Variants in PRKN observed in about 807,000 individuals in gnomAD.
PRKN encodes the protein parkin RBR E3 ubiquitin protein ligase.
Under a neutral mutation model 59.5 loss-of-function variants are expected in PRKN, and 56 were observed. The ratio of observed to expected loss-of-function variants is 0.94; its 90% CI spans 0.76 to 1.18. PRKN has a LOEUF of 1.18. Ranked by LOEUF, PRKN falls within the 50% of genes most tolerant of loss-of-function variation. The probability of loss-of-function intolerance (pLI) is 0.00; values close to 1 mark genes in which losing one functional copy is unlikely to be tolerated. For missense variants in PRKN, 657 were observed against 596.4 expected (o/e 1.10, Z -1.06); for synonymous variants, 250 against 222.1 (o/e 1.13, Z -1.12).
At chr6:162,127,748 T>A (rs1396823479) in intron 4 of PRKN, among the ~76,000 whole-genome samples, 1 of 152,220 alleles carries the variant, frequency 6.6e-6, no homozygotes, top group East Asian at 1.9e-4. Context: ...AAAAGGCAAA[T>A]TAAAAGAATC....
At position 162,235,946 on chromosome 6, in the gene PRKN, G is replaced by GAAGA. The variant is rs1333274098; in HGVS notation, c.412+26578_412+26579insTCTT. On this transcript the variant is annotated intron_variant, in intron 3 of 11. Transcript: ENST00000366898. ...GGAAGGAAGGAAGGAAGGAAGGAAG[G>GAAGA]AAGGAAGAAAGGAAGAAAGAAAGAA... 8.3e-3 allele frequency among the ~76,000 whole-genome samples: 656 copies of GAAGA among 79,414 alleles called. 1 individual carries two copies. Among genetic ancestry groups the GAAGA allele is most frequent in the Non-Finnish European group, 0.01 (431 of 42,024 alleles). 52.1% of individuals were successfully genotyped at this position (79,414 alleles called of 152,430 possible). A position where few individuals can be genotyped will look rare whatever the true frequency, so the allele number is the denominator to read the frequency against.
chr6:162,062,723 T>C (rs1419413653), intron 4 of PRKN, among the ~76,000 whole-genome samples: 2 of 152,148 alleles, frequency 1.3e-5, no homozygotes, highest in Non-Finnish European at 2.9e-5. Flanking sequence ...TACATTTCTA[T>C]TGTTTACGCT....
chr6:161,977,071 C>T (rs911242850), intron 5 of PRKN, among the ~76,000 whole-genome samples: 2 of 152,204 alleles, frequency 1.3e-5, no homozygotes, highest in Non-Finnish European at 2.9e-5. Context: ...CAGTAAATTT[C>T]AGTGCTTTCT....
intron 2 of PRKN, among the ~76,000 whole-genome samples, chr6:162,323,651 T>C (rs1175795338): frequency 3.3e-5 from 5 of 152,052 alleles, no homozygotes; most frequent in Non-Finnish European, 1.5e-5. Context: ...CATGAAAAGA[T>C]GTGCAACATT....
intron 6 of PRKN, among the ~76,000 whole-genome samples, chr6:161,803,582 C>T (rs1200221717): frequency 6.6e-6 from 1 of 152,206 alleles, no homozygotes; most frequent in Non-Finnish European, 1.5e-5. Context: ...AAGCTCAGCC[C>T]AGCCCCAGCT....
intron 4 of PRKN, among the ~76,000 whole-genome samples, chr6:162,197,207 T>C (rs1488794566): frequency 6.6e-6 from 1 of 152,204 alleles, no homozygotes; most frequent in Non-Finnish European, 1.5e-5. Context: ...CAGCAATCTT[T>C]ACACTTGGCA....
At chr6:162,091,740 AG>A (rs1411764915) in intron 4 of PRKN, among the ~76,000 whole-genome samples, 79 of 152,322 alleles carry the variant, frequency 5.2e-4, no homozygotes, top group African/African-American at 1.8e-3. Flanking sequence ...TTTTATCAGT[AG>A]AAAGAAAAAG....
chr6:161,581,223 A>AG lies in PRKN; in HGVS notation c.872-11808dup, dbSNP rs1189281016. Among the ~76,000 whole-genome samples, 1 of 151,878 alleles carries AG rather than the reference A, an allele frequency of 6.6e-6. No individual in the cohort carries two copies. The highest frequency in any genetic ancestry group is 1.9e-4 in the East Asian group (1 of 5,178). ...GACTCTGTCTCAAAAAAAAAAAAAA[A>AG]GTTTCTCTATGTATCAATTTTTATT... On this transcript the variant is annotated intron_variant, in intron 7 of 11. Coordinates refer to ENST00000366898, the MANE Select transcript of PRKN (RefSeq NM_004562.3). The surrounding 1 kb of genome is among the most constrained non-coding windows in gnomAD (Gnocchi z 4.5).
At chr6:162,540,693 G>A (rs2128199773) in intron 1 of PRKN, among the ~76,000 whole-genome samples, 1 of 151,586 alleles carries the variant, frequency 6.6e-6, no homozygotes, top group Admixed American at 6.6e-5. Context: ...TGTAATCCCA[G>A]CTACTCTGGA....
chr6:162,507,617 A>G (rs1793664664), intron 1 of PRKN, among the ~76,000 whole-genome samples: 1 of 152,204 alleles, frequency 6.6e-6, no homozygotes, highest in Admixed American at 6.5e-5. Flanking sequence ...TAGGTAAATT[A>G]ACTGATAGGA....
At chr6:162,105,780 T>C (rs145610871) in intron 4 of PRKN, among the ~76,000 whole-genome samples, 1,592 of 152,282 alleles carry the variant, frequency 0.01, 22 homozygotes, top group African/African-American at 0.03. Context: ...CTGAGAACAA[T>C]AGAGCAGTAA....
intron 9 of PRKN, among the ~76,000 whole-genome samples, chr6:161,420,500 A>G (rs2115026717): frequency 6.6e-6 from 1 of 151,556 alleles, no homozygotes; most frequent in East Asian, 1.9e-4. Flanking sequence ...AGTTTCCTTT[A>G]TTTTCTTTTT....
At chr6:161,765,820 A>G (rs1396780208) in intron 7 of PRKN, among the ~76,000 whole-genome samples, 1 of 152,218 alleles carries the variant, frequency 6.6e-6, no homozygotes, top group Non-Finnish European at 1.5e-5. Flanking sequence ...ACTCACCAAG[A>G]TCACTGATTT....
At chr6:161,679,646 A>G (rs1272968093) in intron 7 of PRKN, among the ~76,000 whole-genome samples, 1 of 136,920 alleles carries the variant, frequency 7.3e-6, no homozygotes, top group Non-Finnish European at 1.5e-5. Flanking sequence ...AGTTTTAATA[A>G]TAGGTACCTT....
intron 9 of PRKN, among the ~76,000 whole-genome samples, chr6:161,501,472 T>C (rs909568148): frequency 3.9e-5 from 6 of 152,244 alleles, no homozygotes; most frequent in African/African-American, 1.4e-4. Context: ...TTGTTGATAG[T>C]TTTCTTACTG....
chr6:162,169,525 C>T (rs552705729), intron 4 of PRKN, among the ~76,000 whole-genome samples: 17 of 152,146 alleles, frequency 1.1e-4, no homozygotes, highest in Non-Finnish European at 2.9e-5. Flanking sequence ...CTTAGACAAA[C>T]CATAAATGTG....
intron 9 of PRKN, among the ~76,000 whole-genome samples, chr6:161,436,029 A>G (rs185469098): frequency 4.3e-3 from 2 of 460 alleles, no homozygotes; most frequent in Non-Finnish European, 3.9e-3. Context: ...GAGGAGGGGG[A>G]GGGATGGGAG....
At chr6:161,883,303 A>G (rs969706776) in intron 6 of PRKN, among the ~76,000 whole-genome samples, 2 of 152,026 alleles carry the variant, frequency 1.3e-5, no homozygotes, top group African/African-American at 4.8e-5. Context: ...GGAGTTTGAG[A>G]CTAGCCTGGC....
At chr6:162,033,553 C>G (rs1320627969) in intron 5 of PRKN, among the ~76,000 whole-genome samples, 1 of 152,120 alleles carries the variant, frequency 6.6e-6, no homozygotes, top group African/African-American at 2.4e-5. Flanking sequence ...TAAAGATCAT[C>G]TAGCCCCAAA....
Sources: gnomAD v4.1 joint callset for allele counts (sites outside exome capture counted in the v4.1 genomes callset) on GRCh38, gnomAD v4.1.1 for gene constraint, Gnocchi (gnomAD v3.1) non-coding constraint, MANE v1.5 for transcripts, NCBI Gene and HGNC (gene_info 2026-07-23, HGNC 2026-07-21) for gene names.